FBXL17: variants seen among roughly 807,000 people sequenced by gnomAD.
The protein encoded by FBXL17 is F-box and leucine rich repeat protein 17, also known as F-box/LRR-repeat protein 17.
A neutral mutation model predicts 66.2 loss-of-function variants in FBXL17; 22 were observed. That is an observed-to-expected ratio of 0.33 (90% CI 0.24 to 0.47). The LOEUF is 0.47. Ranked by LOEUF, FBXL17 falls within the 20% of genes least tolerant of loss-of-function variation. FBXL17 has a pLI of 1.00. For synonymous variants in FBXL17, 474 were observed against 400.5 expected (o/e 1.18, Z -2.19); for missense variants, 878 against 948.2 (o/e 0.93, Z 0.97).
At chr5:108,100,687 T>C (rs1321207585) in intron 6 of FBXL17, among the ~76,000 whole-genome samples, 2 of 150,888 alleles carry the variant, frequency 1.3e-5, no homozygotes, top group South Asian at 4.1e-4. Flanking sequence ...TACCCAAATA[T>C]TCCTGGCTTC....
chr5:108,063,101 A>G (rs1433748600), intron 6 of FBXL17, among the ~76,000 whole-genome samples: 1 of 152,170 alleles, frequency 6.6e-6, no homozygotes, highest in Non-Finnish European at 1.5e-5. Flanking sequence ...GAAGTAGTTT[A>G]TACCCAAGCA....
intron 4 of FBXL17, among the ~76,000 whole-genome samples, chr5:108,314,242 T>C (rs1759251775): frequency 6.6e-6 from 1 of 151,622 alleles, no homozygotes; most frequent in African/African-American, 2.4e-5. Flanking sequence ...TCTTGAACTG[T>C]GATAAAAGAA....
intron 6 of FBXL17, among the ~76,000 whole-genome samples, chr5:108,137,147 TG>T (rs1360941521): frequency 2.6e-5 from 4 of 152,218 alleles, no homozygotes; most frequent in African/African-American, 9.6e-5. Flanking sequence ...ATAATCATAA[TG>T]TTAATCACAA....
At chr5:108,227,521 GT>G (rs895362131) in intron 4 of FBXL17, among the ~76,000 whole-genome samples, 1 of 152,170 alleles carries the variant, frequency 6.6e-6, no homozygotes, top group Non-Finnish European at 1.5e-5. Context: ...ATCTTTGTTA[GT>G]TTTTCAAACA....
chr5:108,058,889 T>C (rs1286593090), intron 6 of FBXL17, among the ~76,000 whole-genome samples: 1 of 152,178 alleles, frequency 6.6e-6, no homozygotes, highest in Non-Finnish European at 1.5e-5. Context: ...GTATATTTGA[T>C]GATTGTTTAG....
chr5:108,360,490 G>A (rs1748275314), intron 3 of FBXL17, among the ~76,000 whole-genome samples: 1 of 152,028 alleles, frequency 6.6e-6, no homozygotes, highest in Non-Finnish European at 1.5e-5. Flanking sequence ...TATGTGATGA[G>A]TCACTTATCT....
chr5:108,127,499 G>C (rs1750769065), intron 6 of FBXL17, among the ~76,000 whole-genome samples: 1 of 152,086 alleles, frequency 6.6e-6, no homozygotes. Context: ...ACAGGACTTT[G>C]GGTTTCAAAG....
At chr5:108,034,189 A>T (rs940379001) in intron 6 of FBXL17, among the ~76,000 whole-genome samples, 2 of 152,164 alleles carry the variant, frequency 1.3e-5, no homozygotes, top group African/African-American at 4.8e-5. Flanking sequence ...TAGTCATTGC[A>T]TATAGCCCTC....
At chr5:108,132,787 AG>A (rs1434523213) in intron 6 of FBXL17, among the ~76,000 whole-genome samples, 2 of 152,192 alleles carry the variant, frequency 1.3e-5, no homozygotes, top group Non-Finnish European at 2.9e-5. Context: ...TTCCCAGGTC[AG>A]GCTGTGAAAA....
At chr5:108,357,237 G>A (rs1218985614) in intron 3 of FBXL17, among the ~76,000 whole-genome samples, 3 of 151,820 alleles carry the variant, frequency 2.0e-5, no homozygotes, top group African/African-American at 7.3e-5. Context: ...AAGTTATCAG[G>A]GATAAAGAGG....
At chr5:108,293,075 A>C (rs1422091926) in intron 4 of FBXL17, among the ~76,000 whole-genome samples, 1 of 144,016 alleles carries the variant, frequency 6.9e-6, no homozygotes, top group Admixed American at 7.0e-5. Context: ...GCAACAGAGC[A>C]AGACTCTGTC....
chr5:108,125,638 T>C (rs1431883691), intron 6 of FBXL17, among the ~76,000 whole-genome samples: 2 of 152,050 alleles, frequency 1.3e-5, no homozygotes, highest in Admixed American at 6.6e-5. Flanking sequence ...AAATGGCAGA[T>C]AGTTTTGATG....
chr5:108,007,796 C>T (rs1260408175), intron 7 of FBXL17, among the ~76,000 whole-genome samples: 3 of 152,068 alleles, frequency 2.0e-5, no homozygotes, highest in Non-Finnish European at 2.9e-5. Context: ...GACAGCATAA[C>T]GATAGAAAGG....
At chr5:108,228,734 G>A (rs554016788) in intron 4 of FBXL17, among the ~76,000 whole-genome samples, 2 of 152,244 alleles carry the variant, frequency 1.3e-5, no homozygotes, top group South Asian at 2.1e-4. Flanking sequence ...AAGCATTATA[G>A]TTTCTTCTCC....
At chr5:108,351,962 T>C (rs1013118230) in intron 3 of FBXL17, among the ~76,000 whole-genome samples, 2 of 152,232 alleles carry the variant, frequency 1.3e-5, no homozygotes, top group Admixed American at 6.5e-5. Flanking sequence ...ACATGGTGTT[T>C]TGACATTGAA....
chr5:107,966,317 C>T (rs571851682), intron 7 of FBXL17, among the ~76,000 whole-genome samples: 1 of 152,062 alleles, frequency 6.6e-6, no homozygotes, highest in Non-Finnish European at 1.5e-5. Flanking sequence ...AGACTCTCAC[C>T]CCTGTTTTCA....
chr5:108,357,050 A>C (rs1561550297), intron 3 of FBXL17, among the ~76,000 whole-genome samples: 1 of 152,232 alleles, frequency 6.6e-6, no homozygotes, highest in East Asian at 1.9e-4. Context: ...TCAAAATTTC[A>C]ATGAATTCAA....
At chr5:108,234,250 C>T (rs1755496288) in intron 4 of FBXL17, among the ~76,000 whole-genome samples, 1 of 152,102 alleles carries the variant, frequency 6.6e-6, no homozygotes, top group South Asian at 2.1e-4. Context: ...GTTTGGGGTA[C>T]TAGTTGCCAC....
rs1343974970 is a variant in FBXL17 at position 108,364,965 on chromosome 5, A to T, written c.1147T>A (p.Ser383Thr). Residue 383 changes from serine (S) to threonine (T), a missense_variant, in exon 3 of 9, where the codon TCA (serine) becomes ACA (threonine). Ser to Thr is a moderately conservative substitution (Grantham distance 58). Transcript: ENST00000542267. Reference sequence around the variant, plus strand: ...ATTTCAATTATATTCTGACTTCTTGATGCAATTTTTTCCAACAATTCATCA... The same window carrying T: ...ATTTCAATTATATTCTGACTTCTTGTTGCAATTTTTTCCAACAATTCATCA... Reference protein sequence around the residue: ...VTDELLEKIASRSQNIIEINI... With the variant: ...VTDELLEKIATRSQNIIEINI... The T allele has an allele frequency of 1.2e-6, 2 of 1,611,078 alleles. No individual in the cohort carries two copies. Among genetic ancestry groups the T allele is most frequent in the Non-Finnish European group, 1.7e-6 (2 of 1,177,896 alleles).
Sources: allele counts gnomAD v4.1 joint callset (sites outside exome capture counted in the v4.1 genomes callset), GRCh38; gene constraint gnomAD v4.1.1; transcripts MANE v1.5; gene names NCBI Gene and HGNC (gene_info 2026-07-23, HGNC 2026-07-21).